PITPNC1: variants seen among roughly 807,000 people sequenced by gnomAD.
PITPNC1 encodes cytoplasmic phosphatidylinositol transfer protein 1.
A neutral mutation model predicts 44.7 loss-of-function variants in PITPNC1; 18 were observed. That is an observed-to-expected ratio of 0.40 (90% CI 0.28 to 0.60). The LOEUF is 0.60. Ranked by LOEUF, PITPNC1 falls within the 20% of genes least tolerant of loss-of-function variation. The probability of loss-of-function intolerance (pLI) is 0.39; values close to 1 mark genes in which losing one functional copy is unlikely to be tolerated. For missense variants in PITPNC1, 290 were observed against 418.4 expected, an observed-to-expected ratio of 0.69 and a Z score of 2.68; for synonymous variants, 141 against 149.6, an observed-to-expected ratio of 0.94 and a Z score of 0.42.
chr17:67,566,761 T>C (rs1322997149), intron 4 of PITPNC1, among the ~76,000 whole-genome samples: 1 of 152,246 alleles, frequency 6.6e-6, no homozygotes, highest in Non-Finnish European at 1.5e-5. Context: ...TCTCTGCTGT[T>C]AGTGGCCACA....
intron 4 of PITPNC1, among the ~76,000 whole-genome samples, chr17:67,556,792 G>A (rs1285363624): frequency 6.6e-6 from 1 of 152,208 alleles, no homozygotes; most frequent in Non-Finnish European, 1.5e-5. Flanking sequence ...GGCTCAGGAG[G>A]TGGAATGGAA....
chr17:67,504,750 GTTAATTAATTTAGGTTAA>G (rs552770575), intron 1 of PITPNC1, among the ~76,000 whole-genome samples: 55 of 152,216 alleles, frequency 3.6e-4, no homozygotes, highest in East Asian at 1.9e-3. Flanking sequence ...TAGTTCATTA[GTTAATTAATTTAGGTTAA>G]TTAATTAATT....
chr17:67,697,208 A>C lies in PITPNC1; in HGVS notation c.*4320A>C, dbSNP rs2043024109. 1 of 150,954 alleles carries C rather than the reference A, an allele frequency of 6.6e-6. No homozygotes were observed. The highest frequency in any genetic ancestry group is 1.5e-5 in the Non-Finnish European group (1 of 67,812). The allele number at this position is 150,954 out of a possible 1,614,324, so 9.4% of individuals were successfully genotyped here. A position where few individuals can be genotyped will look rare whatever the true frequency, so the allele number is the denominator to read the frequency against. On this transcript the variant is annotated 3_prime_UTR_variant, in exon 9 of 9. Transcript: ENST00000581322. ...TCCTAGTTATTTATTATTGTTAATA[A>C]CTTACTTTTTCTTACATTCTGTTGT... is the stretch of plus-strand genomic sequence containing the variant.
At chr17:67,481,654 C>T (rs971403802) in intron 1 of PITPNC1, among the ~76,000 whole-genome samples, 4 of 151,350 alleles carry the variant, frequency 2.6e-5, no homozygotes, top group African/African-American at 7.3e-5. Flanking sequence ...ATTTATTACC[C>T]GTAAAATAAA....
intron 1 of PITPNC1, among the ~76,000 whole-genome samples, chr17:67,496,310 T>C (rs962376075): frequency 6.6e-6 from 1 of 152,246 alleles, no homozygotes; most frequent in Non-Finnish European, 1.5e-5. Context: ...AGTTCTTGTA[T>C]GCGGTTATTC....
intron 1 of PITPNC1, among the ~76,000 whole-genome samples, chr17:67,522,432 C>T (rs539773453): frequency 3.3e-5 from 5 of 152,120 alleles, no homozygotes; most frequent in East Asian, 1.9e-4. Context: ...ATATTTCTCC[C>T]GTCTTCTAGG....
rs1257347263 is a variant in PITPNC1 at position 67,694,011 on chromosome 17, G to A, written c.*1123G>A. 1.3e-5 allele frequency: 2 copies of A among 152,250 alleles called. No individual in the cohort carries two copies. The highest frequency in any genetic ancestry group is 4.8e-5 in the African/African-American group (2 of 41,454). 9.4% of individuals were successfully genotyped at this position (152,250 alleles called of 1,614,324 possible). A position where few individuals can be genotyped will look rare whatever the true frequency, so the allele number is the denominator to read the frequency against. On this transcript the variant is annotated 3_prime_UTR_variant, in exon 9 of 9. Coordinates refer to ENST00000581322, the MANE Select transcript of PITPNC1 (RefSeq NM_012417.4). ...ATCAAGCAACTACTGTCAAGTGGGA[G>A]GAGAGAATGAGCAGAATTGCTGACT... is the stretch of plus-strand genomic sequence containing the variant.
intron 6 of PITPNC1, among the ~76,000 whole-genome samples, chr17:67,653,188 A>C (rs2042228016): frequency 6.6e-6 from 1 of 152,194 alleles, no homozygotes; most frequent in Non-Finnish European, 1.5e-5. Flanking sequence ...AGGCTGAGGC[A>C]GGAGCATTGC....
intron 1 of PITPNC1, among the ~76,000 whole-genome samples, chr17:67,506,363 A>G (rs2040100925): frequency 6.6e-6 from 1 of 152,122 alleles, no homozygotes; most frequent in Non-Finnish European, 1.5e-5. Context: ...AGTTTAGTTT[A>G]GTTTTGCTTT....
chr17:67,444,904 A>C (rs1309437507), intron 1 of PITPNC1, among the ~76,000 whole-genome samples: 11 of 152,066 alleles, frequency 7.2e-5, no homozygotes, highest in Admixed American at 6.6e-4. Context: ...CTCAAAAAAA[A>C]AGAAGGCAAG....
chr17:67,612,958 G>A (rs1233005677), intron 5 of PITPNC1: 1 of 152,368 alleles, frequency 6.6e-6, no homozygotes, highest in East Asian at 1.9e-4. Context: ...CACTTCGGGA[G>A]GCTGAGGTGG....
At chr17:67,662,903 T>G (rs1302358244) in intron 6 of PITPNC1, among the ~76,000 whole-genome samples, 2 of 152,242 alleles carry the variant, frequency 1.3e-5, no homozygotes, top group South Asian at 2.1e-4. Context: ...CCCATGGACA[T>G]GATTTCATTC....
chr17:67,427,136 T>G (rs2038778197), intron 1 of PITPNC1, among the ~76,000 whole-genome samples: 1 of 152,168 alleles, frequency 6.6e-6, no homozygotes, highest in Admixed American at 6.5e-5. Context: ...GAGTTCATAC[T>G]AATAGTCAGG....
At chr17:67,436,175 A>AT (rs952558986) in intron 1 of PITPNC1, among the ~76,000 whole-genome samples, 33 of 150,282 alleles carry the variant, frequency 2.2e-4, no homozygotes, top group African/African-American at 6.3e-4. Context: ...TAATTTTTAA[A>AT]TTTTTTGTAG....
At chr17:67,495,447 T>C (rs12602367) in intron 1 of PITPNC1, among the ~76,000 whole-genome samples, 118,486 of 151,848 alleles carry the variant, frequency 0.78, 46,294 homozygotes, top group Middle Eastern at 0.86. Context: ...ACTCATGTCA[T>C]GGGGGTTTGT....
intron 6 of PITPNC1, among the ~76,000 whole-genome samples, chr17:67,644,066 G>C (rs1406447190): frequency 6.6e-6 from 1 of 152,168 alleles, no homozygotes; most frequent in Non-Finnish European, 1.5e-5. Context: ...AGCCATTTGT[G>C]CTGCTGAGAC....
chr17:67,431,619 A>G (rs1367571033), intron 1 of PITPNC1, among the ~76,000 whole-genome samples: 1 of 152,218 alleles, frequency 6.6e-6, no homozygotes, highest in African/African-American at 2.4e-5. Flanking sequence ...CTTAAAATAC[A>G]TCTCATGTGC....
rs770457262 is a variant in PITPNC1 at position 67,692,607 on chromosome 17, G to A, written c.718G>A (p.Ala240Thr). 6.2e-7 allele frequency: 1 copy of A among 1,613,676 alleles called. No homozygotes were observed. The highest frequency in any genetic ancestry group is 8.5e-7 in the Non-Finnish European group (1 of 1,179,648). Reference sequence around the variant, plus strand: ...GGATGAAGTCCGAGAATTTGAACGAGCCACTCAGGAAGCCACCAACAAGAA... The same window carrying A: ...GGATGAAGTCCGAGAATTTGAACGAACCACTCAGGAAGCCACCAACAAGAA... Reference protein sequence around the residue: ...TMDEVREFERATQEATNKKIG... With the variant: ...TMDEVREFERTTQEATNKKIG... The change falls in exon 9 of 9, where the codon GCC becomes ACC. Residue 240 changes from alanine (A) to threonine (T), a missense_variant. Coordinates refer to ENST00000581322, the MANE Select transcript of PITPNC1 (RefSeq NM_012417.4).
chr17:67,478,506 C>G (rs2039661575), intron 1 of PITPNC1, among the ~76,000 whole-genome samples: 1 of 152,126 alleles, frequency 6.6e-6, no homozygotes, highest in Non-Finnish European at 1.5e-5. Flanking sequence ...GATGAAAGAC[C>G]ATTCTGAGAC....
Sources: allele counts gnomAD v4.1 joint callset (sites outside exome capture counted in the v4.1 genomes callset), GRCh38; gene constraint gnomAD v4.1.1; transcripts MANE v1.5; gene names NCBI Gene and HGNC (gene_info 2026-07-23, HGNC 2026-07-21).